Variants in PCDHGA3 observed in about 807,000 individuals in gnomAD.
PCDHGA3 encodes the protein protocadherin gamma subfamily A, 3.
Under a neutral mutation model 58.5 loss-of-function variants are expected in PCDHGA3, and 40 were observed. The ratio of observed to expected loss-of-function variants is 0.68; its 90% CI spans 0.53 to 0.89. The LOEUF (loss-of-function observed/expected upper bound fraction) is 0.89, where lower values mean the gene tolerates loss of function less well. Among genes scored for constraint, PCDHGA3 ranks in the 40% least tolerant of loss-of-function variants. PCDHGA3 has a pLI of 0.00. For synonymous variants in PCDHGA3, 530 were observed against 525.7 expected (o/e 1.01, Z -0.11); for missense variants, 1,223 against 1,195.9 (o/e 1.02, Z -0.33).
chr5:141,422,359 G>A, intron 1 of PCDHGA3: 1 of 1,558,858 alleles, frequency 6.4e-7, no homozygotes, highest in Non-Finnish European at 8.6e-7. Flanking sequence ...TCAAGATTCT[G>A]GAGAAAATGG....
intron 1 of PCDHGA3, among the ~76,000 whole-genome samples, chr5:141,434,192 A>G (rs2097676888): frequency 6.6e-6 from 1 of 152,194 alleles, no homozygotes; most frequent in Non-Finnish European, 1.5e-5. Context: ...TGTAATTCCA[A>G]TGTACTTACT....
Position 141,487,247 on chromosome 5 carries a change from T to C in PCDHGA3, c.2425-7560T>C. Reference sequence around the variant, plus strand: ...GGAAGGAGAATCTCGTCTAACCCTCTACTTGGCTGTGTCCCTAGTGGCAAT... The same window carrying C: ...GGAAGGAGAATCTCGTCTAACCCTCCACTTGGCTGTGTCCCTAGTGGCAAT... On this transcript the variant is annotated intron_variant, in intron 1 of 3. Transcript: ENST00000253812. This position sits in a 1 kb window ranked among gnomAD's most constrained non-coding sequence, Gnocchi z 5.0. 1 of 1,614,174 alleles carries C rather than the reference T, an allele frequency of 6.2e-7. No individual in the cohort carries two copies. The highest frequency in any genetic ancestry group is 1.3e-5 in the African/African-American group (1 of 75,048).
At chr5:141,450,006 C>CTATTTTTTTTTTTT (rs70988802) in intron 1 of PCDHGA3, among the ~76,000 whole-genome samples, 1 of 132,966 alleles carries the variant, frequency 7.5e-6, no homozygotes, top group Non-Finnish European at 1.6e-5. Flanking sequence ...TGCCATGTCT[C>CTATTTTTTTTTTTT]TTTTTTTTTT....
chr5:141,374,979 G>A (rs777674539), intron 1 of PCDHGA3: 31 of 1,613,984 alleles, frequency 1.9e-5, no homozygotes, highest in Non-Finnish European at 2.5e-5. Flanking sequence ...GTTTTGACTG[G>A]AGAAATTTCA....
chr5:141,364,248 G>A, intron 1 of PCDHGA3: 1 of 1,480,674 alleles, frequency 6.8e-7, no homozygotes. Context: ...TTTCGTCAGG[G>A]AATATGTACC....
At chr5:141,360,723 A>C in intron 1 of PCDHGA3, 4 of 1,614,006 alleles carry the variant, frequency 2.5e-6, no homozygotes, top group Non-Finnish European at 3.4e-6. Context: ...AGTTGATTCT[A>C]AAACACTCTC....
chr5:141,346,654 G>GA (rs891922571), intron 1 of PCDHGA3, 197 bp downstream of exon 1: 14 of 777,668 alleles, frequency 1.8e-5, no homozygotes, highest in Non-Finnish European at 2.6e-5. Context: ...TGGGCTTAGG[G>GA]AAAAAATAAT....
chr5:141,510,510 G>C (rs1042950478), intron 3 of PCDHGA3, among the ~76,000 whole-genome samples: 1 of 152,132 alleles, frequency 6.6e-6, no homozygotes, highest in Non-Finnish European at 1.5e-5. Context: ...CTGAGAGCCC[G>C]TGTCACAGCC....
chr5:141,475,254 C>T (rs776471860), intron 1 of PCDHGA3, among the ~76,000 whole-genome samples: 9 of 152,208 alleles, frequency 5.9e-5, no homozygotes, highest in Admixed American at 1.3e-4. Flanking sequence ...TGCTCTACAA[C>T]TGAGATCATG....
At chr5:141,364,846 C>G (rs558676002) in intron 1 of PCDHGA3, 1 of 1,613,994 alleles carries the variant, frequency 6.2e-7, no homozygotes, top group South Asian at 1.1e-5. Context: ...GTTACCAGCT[C>G]AGCTCCAATC....
At position 141,486,004 on chromosome 5, in the gene PCDHGA3, C is replaced by T; in HGVS notation, c.2425-8803C>T. The T allele has an allele frequency of 6.2e-7, 1 of 1,614,184 alleles. No homozygotes were observed. The highest frequency in any genetic ancestry group is 8.5e-7 in the Non-Finnish European group (1 of 1,180,008). The stretch of plus-strand genomic sequence containing the variant: ...CGGACCTGGGTCCCAGTGGTAACGT[C>T]ACCTTTTATTTCAGTGGTCATACCC... On this transcript the variant is annotated intron_variant, in intron 1 of 3. Coordinates refer to ENST00000253812, the MANE Select transcript of PCDHGA3 (RefSeq NM_018916.4). This position sits in a 1 kb window ranked among gnomAD's most constrained non-coding sequence, Gnocchi z 5.0.
intron 1 of PCDHGA3, chr5:141,388,882 T>C (rs1038312572): frequency 6.2e-7 from 1 of 1,613,800 alleles, no homozygotes; most frequent in Non-Finnish European, 8.5e-7. Context: ...ACAGTGGAGG[T>C]AGAAGTCATA....
intron 1 of PCDHGA3, among the ~76,000 whole-genome samples, chr5:141,424,908 C>G (rs910592644): frequency 1.3e-5 from 2 of 152,184 alleles, no homozygotes; most frequent in Non-Finnish European, 2.9e-5. Context: ...TCACAGGAAT[C>G]ATTTCCATAA....
chr5:141,486,565 TC>T lies in PCDHGA3; in HGVS notation c.2425-8240del. The T allele has an allele frequency of 6.2e-7, 1 of 1,614,024 alleles. No homozygotes were observed. The highest frequency in any genetic ancestry group is 2.2e-5 in the East Asian group (1 of 44,880). On this transcript the variant is annotated intron_variant, in intron 1 of 3. Transcript: ENST00000253812. This position sits in a 1 kb window ranked among gnomAD's most constrained non-coding sequence, Gnocchi z 5.0. Reference sequence around the variant, plus strand: ...TTCAGAGGTCACATGAGGTGTTTGTTCCTGAGAACAATCGCCCAGGGGACCT... The same window carrying T: ...TTCAGAGGTCACATGAGGTGTTTGTTCTGAGAACAATCGCCCAGGGGACCT...
chr5:141,389,590 G>C (rs1409328445), intron 1 of PCDHGA3: 1 of 1,613,014 alleles, frequency 6.2e-7, no homozygotes, highest in Non-Finnish European at 8.5e-7. Context: ...GGTCCCGACG[G>C]CTCTGCGCTC....
At position 141,510,839 on chromosome 5, in the gene PCDHGA3, C is replaced by G. The variant is rs186647886; in HGVS notation, c.2573-108C>G. The stretch of plus-strand genomic sequence containing the variant: ...CTATATTCCCAGTGCTCAGCGTGGT[C>G]AAGGCCCAGGGTGCTGTATAGGCAT... On this transcript the variant is annotated intron_variant, in intron 3 of 3. Coordinates refer to ENST00000253812, the MANE Select transcript of PCDHGA3 (RefSeq NM_018916.4). The G allele has an allele frequency of 6.5e-5, 103 of 1,587,108 alleles. No individual in the cohort carries two copies. The East Asian group carries it at 1.6e-3, about 25-fold the overall frequency.
At chr5:141,395,517 T>G in intron 1 of PCDHGA3, 2 of 415,414 alleles carry the variant, frequency 4.8e-6, no homozygotes, top group Non-Finnish European at 4.3e-6. Context: ...TAGCTACCCG[T>G]CCATACTGGT....
Position 141,368,385 on chromosome 5 carries a change from A to T in PCDHGA3, c.2424+21928A>T, listed in dbSNP as rs535451348. Among the ~76,000 whole-genome samples the T allele has an allele frequency of 8.5e-5, 13 of 152,240 alleles. 1 individual carries two copies. The South Asian group carries it at 2.5e-3, about 29-fold the overall frequency. On this transcript the variant is annotated intron_variant, in intron 1 of 3. Coordinates refer to ENST00000253812, the MANE Select transcript of PCDHGA3 (RefSeq NM_018916.4). ...TACACACATATATATACACACATAC[A>T]CACACACAAACACACATACATACAC... is the stretch of plus-strand genomic sequence containing the variant.
At chr5:141,461,592 A>G (rs777372149) in intron 1 of PCDHGA3, among the ~76,000 whole-genome samples, 4 of 152,148 alleles carry the variant, frequency 2.6e-5, no homozygotes, top group African/African-American at 2.4e-5. Flanking sequence ...TTATATTTCC[A>G]TTATAATTTA....
Sources: allele counts gnomAD v4.1 joint callset (sites outside exome capture counted in the v4.1 genomes callset), GRCh38; gene constraint gnomAD v4.1.1; non-coding constraint Gnocchi (gnomAD v3.1); transcripts MANE v1.5; gene names NCBI Gene and HGNC (gene_info 2026-07-23, HGNC 2026-07-21).